PLEKHA6: variants seen among roughly 807,000 people sequenced by gnomAD.
PLEKHA6 encodes pleckstrin homology domain-containing family A member 6.
In PLEKHA6, 60 loss-of-function variants were observed where a neutral mutation model predicts 116.7. That is an observed-to-expected ratio of 0.51 (90% CI 0.42 to 0.64). The LOEUF (loss-of-function observed/expected upper bound fraction) is 0.64, where lower values mean the gene tolerates loss of function less well. Among genes scored for constraint, PLEKHA6 ranks in the 30% least tolerant of loss-of-function variants. The pLI is 0.00. For synonymous variants in PLEKHA6, 489 were observed against 556.1 expected (o/e 0.88, Z 1.70); for missense variants, 1,338 against 1,422.7 (o/e 0.94, Z 0.96).
intron 1 of PLEKHA6, among the ~76,000 whole-genome samples, chr1:204,292,384 C>T (rs755968039): frequency 2.0e-5 from 3 of 152,320 alleles, no homozygotes; most frequent in South Asian, 2.1e-4. Context: ...AGGCTAACCT[C>T]GGGGTCTGTT....
intron 10 of PLEKHA6, among the ~76,000 whole-genome samples, chr1:204,249,558 G>A (rs1478479101): frequency 1.3e-5 from 2 of 152,134 alleles, no homozygotes; most frequent in African/African-American, 4.8e-5. Context: ...ATTCACAAAG[G>A]ACTGAGGAGA....
intron 8 of PLEKHA6, 143 bp from the exon 9 acceptor site, chr1:204,258,012 A>G: frequency 1.4e-6 from 1 of 700,062 alleles, no homozygotes; most frequent in East Asian, 2.7e-5. Context: ...GAGATGAGGG[A>G]AAGACTCCTG....
At chr1:204,297,802 G>A in intron 1 of PLEKHA6, 1 of 696,246 alleles carries the variant, frequency 1.4e-6, no homozygotes, top group Non-Finnish European at 1.8e-6. Flanking sequence ...CTAACTATGA[G>A]CTGTTTCTTA....
In PLEKHA6 at chr1:204,311,248, T is replaced by C. The variant is rs187522490; in HGVS notation, c.-94-36439A>G. ...GGCTCATGCCTGTAATACCAGCACT[T>C]TGGGAGGCTGAGGCAGGCAGATCAC... On this transcript the variant is annotated intron_variant, in intron 1 of 22. Transcript: ENST00000272203. Among the ~76,000 whole-genome samples the C allele has an allele frequency of 4.5e-3, 690 of 152,286 alleles. 1 individual carries two copies. Among genetic ancestry groups the C allele is most frequent in the Middle Eastern group, 6.8e-3 (2 of 294 alleles).
intron 17 of PLEKHA6, among the ~76,000 whole-genome samples, chr1:204,235,914 G>A (rs1385717744): frequency 1.3e-5 from 2 of 152,174 alleles, no homozygotes; most frequent in African/African-American, 4.8e-5. Context: ...GCAGTTGCCA[G>A]GCAAGATAAT....
chr1:204,223,531 G>A lies in PLEKHA6; in HGVS notation c.3086C>T (p.Ala1029Val), dbSNP rs145148095. The A allele has an allele frequency of 8.4e-3, 13,022 of 1,550,594 alleles. 98 individuals carry two copies. Among genetic ancestry groups the A allele is most frequent in the Non-Finnish European group, 9.1e-3 (10,479 of 1,146,230 alleles). The change falls in exon 22 of 23, where the codon GCA (alanine) becomes GTA (valine). Residue 1029 changes from alanine (A) to valine (V), a missense_variant. By Grantham distance (64) the Ala-to-Val change is moderately conservative. Transcript: ENST00000272203. The surrounding 1 kb of genome is among the most constrained non-coding windows in gnomAD (Gnocchi z 4.8). ...TGGGGATTCAGACGACAGGGGGTTTGCTGGAGGAGCCGGGGAAGCAGGGGA... is the reference window on the plus strand; with the variant it reads ...TGGGGATTCAGACGACAGGGGGTTTACTGGAGGAGCCGGGGAAGCAGGGGA... ...PTSPASPAPP[A>V]NPLSSESPRG...
In PLEKHA6 at chr1:204,320,977, G is replaced by A. The variant is rs977864254; in HGVS notation, c.-95+38717C>T. ...CAGGAGGCTATTTCCAAGGGATCTT[G>A]TAGCTTCTCCTTTGTGCCAAAGAAG... On this transcript the variant is annotated intron_variant, in intron 1 of 22. Transcript: ENST00000272203. 5.9e-5 allele frequency among the ~76,000 whole-genome samples: 9 copies of A among 152,292 alleles called. 1 individual carries two copies. The highest frequency in any genetic ancestry group is 2.2e-4 in the African/African-American group (9 of 41,534).
chr1:204,256,167 A>C (rs1212520213), intron 9 of PLEKHA6, among the ~76,000 whole-genome samples: 1 of 152,122 alleles, frequency 6.6e-6, no homozygotes, highest in Non-Finnish European at 1.5e-5. Flanking sequence ...TGGTACTGTT[A>C]TGGAAATGAG....
At position 204,276,066 on chromosome 1, in the gene PLEKHA6, A is replaced by G. The variant is rs142880338; in HGVS notation, c.-94-1257T>C. 2.0e-3 allele frequency among the ~76,000 whole-genome samples: 308 copies of G among 152,328 alleles called. 1 individual carries two copies. The highest frequency in any genetic ancestry group is 3.3e-3 in the Non-Finnish European group (227 of 68,018). Reference sequence around the variant, plus strand: ...ATAACCTTTTGGGGGCCCCCTTTCAATAGCCCAGGACACATCCCAGCCCTT... The same window carrying G: ...ATAACCTTTTGGGGGCCCCCTTTCAGTAGCCCAGGACACATCCCAGCCCTT... On this transcript the variant is annotated intron_variant, in intron 1 of 22. Coordinates refer to ENST00000272203, the MANE Select transcript of PLEKHA6 (RefSeq NM_014935.5).
At chr1:204,227,308 C>T (rs1660499509) in intron 21 of PLEKHA6, among the ~76,000 whole-genome samples, 1 of 152,180 alleles carries the variant, frequency 6.6e-6, no homozygotes, top group Non-Finnish European at 1.5e-5. Flanking sequence ...TCCTAAGCAC[C>T]TTTATCTTGA....
intron 1 of PLEKHA6, chr1:204,282,651 G>T (rs927164725): frequency 1.0e-6 from 1 of 985,332 alleles, no homozygotes; most frequent in African/African-American, 1.7e-5. Flanking sequence ...CAACACTGAA[G>T]TGTCTTCCAA....
intron 15 of PLEKHA6, among the ~76,000 whole-genome samples, chr1:204,243,910 T>A (rs1283818583): frequency 6.6e-6 from 1 of 152,166 alleles, no homozygotes; most frequent in Admixed American, 6.5e-5. Context: ...AAGCTCCGCC[T>A]CATGGGTTCA....
chr1:204,246,046 C>G (rs893894145), intron 13 of PLEKHA6, among the ~76,000 whole-genome samples: 3 of 152,190 alleles, frequency 2.0e-5, no homozygotes, highest in Non-Finnish European at 4.4e-5. Context: ...TCTAAGTGAA[C>G]ACTTTATGGT....
intron 1 of PLEKHA6, among the ~76,000 whole-genome samples, chr1:204,290,415 G>A (rs1470437178): frequency 6.6e-6 from 1 of 152,174 alleles, no homozygotes; most frequent in Non-Finnish European, 1.5e-5. Context: ...AAGGTATAAA[G>A]TCAATGCAAA....
rs745702745 is a variant in PLEKHA6 at position 204,229,017 on chromosome 1, C to T, written c.2671G>A (p.Glu891Lys). ...RAEEPGGHAY[E>K]TPREEIARLR... The stretch of plus-strand genomic sequence containing the variant: ...CGGGCAATTTCCTCCCGGGGTGTCT[C>T]GTAGGCATGCCCGCCAGGCTCCTCT... Residue 891 changes from glutamate (E) to lysine (K), a missense_variant, in exon 19 of 23, where the codon GAG (glutamate) becomes AAG (lysine). By Grantham distance (56) the Glu-to-Lys change is moderately conservative (BLOSUM62 1). Transcript: ENST00000272203. The T allele has an allele frequency of 9.3e-6, 15 of 1,614,056 alleles. No individual in the cohort carries two copies. Among genetic ancestry groups the T allele is most frequent in the South Asian group, 3.3e-5 (3 of 91,088 alleles).
chr1:204,354,381 G>A (rs553892724), intron 1 of PLEKHA6, among the ~76,000 whole-genome samples: 152 of 152,324 alleles, frequency 1.0e-3, no homozygotes, highest in African/African-American at 3.5e-3. Flanking sequence ...CTAAGTGGGT[G>A]ACCTGGGAGG....
rs186108718 is a variant in PLEKHA6, at chr1:204,245,553, G to A, written c.2032+62C>T. 2.7e-3 allele frequency: 2,727 copies of A among 993,122 alleles called. 11 individuals are homozygous for A. The Middle Eastern group carries it at 0.034, about 12-fold the overall frequency. The allele number at this position is 993,122 out of a possible 1,614,324, so 61.5% of individuals were successfully genotyped here. On this transcript the variant is annotated intron_variant, in intron 14 of 22. Coordinates refer to ENST00000272203, the MANE Select transcript of PLEKHA6 (RefSeq NM_014935.5). ...GCTGGCAGGAGTGGGATGGAGGTCA[G>A]AAATACTGGAGCACTCCTGGTGAGG...
At chr1:204,313,684 G>A (rs2103181951) in intron 1 of PLEKHA6, 2 of 985,306 alleles carry the variant, frequency 2.0e-6, no homozygotes, top group South Asian at 9.4e-5. Flanking sequence ...CTGTCTTTGA[G>A]ATTTTCACCT....
rs1164331351 is a variant in PLEKHA6 at position 204,245,656 on chromosome 1, T to A, written c.1991A>T (p.Lys664Met). ...GTCCGTGCCCCGGGAGGGGTTGTTC[T>A]TCCTCAGCCCCTCCATCACGTCCTG... ...RIQDVMEGLR[K>M]NNPSRGTDTA... Residue 664 changes from lysine (K) to methionine (M), a missense_variant, in exon 14 of 23, where the codon AAG becomes ATG. Transcript: ENST00000272203. 1.9e-6 allele frequency: 3 copies of A among 1,613,538 alleles called. No homozygotes were observed. The highest frequency in any genetic ancestry group is 2.5e-6 in the Non-Finnish European group (3 of 1,179,562).
Sources: allele counts gnomAD v4.1 joint callset (sites outside exome capture counted in the v4.1 genomes callset), GRCh38; gene constraint gnomAD v4.1.1; non-coding constraint Gnocchi (gnomAD v3.1); transcripts MANE v1.5; gene names NCBI Gene and HGNC (gene_info 2026-07-23, HGNC 2026-07-21).